EML6: variants seen among roughly 807,000 people sequenced by gnomAD.
The protein encoded by EML6 is EMAP like 6, also known as echinoderm microtubule-associated protein-like 6.
In EML6, 154 loss-of-function variants were observed where a neutral mutation model predicts 240.1. That is an observed-to-expected ratio of 0.64 (90% CI 0.56 to 0.73). The LOEUF (loss-of-function observed/expected upper bound fraction) is 0.73, where lower values mean the gene tolerates loss of function less well. Ranked by LOEUF, EML6 falls within the 30% of genes least tolerant of loss-of-function variation. The pLI is 0.00. For synonymous variants in EML6, 1,148 were observed against 899.0 expected, an observed-to-expected ratio of 1.28 and a Z score of -4.95; for missense variants, 2,964 against 2,474.6, an observed-to-expected ratio of 1.20 and a Z score of -4.20.
At chr2:54,789,318 C>T (rs1360643870) in intron 2 of EML6, among the ~76,000 whole-genome samples, 1 of 151,672 alleles carries the variant, frequency 6.6e-6, no homozygotes, top group Admixed American at 6.6e-5. Flanking sequence ...TCGAGACCAT[C>T]CTGGCTAACA....
intron 28 of EML6, among the ~76,000 whole-genome samples, chr2:54,941,720 T>G (rs956495674): frequency 6.6e-6 from 1 of 152,210 alleles, no homozygotes; most frequent in Non-Finnish European, 1.5e-5. Flanking sequence ...GTGTGTTGTT[T>G]AAGCTGAGCC....
At chr2:54,763,614 G>A (rs1327094754) in intron 2 of EML6, among the ~76,000 whole-genome samples, 2 of 152,278 alleles carry the variant, frequency 1.3e-5, no homozygotes, top group African/African-American at 4.8e-5. Flanking sequence ...GGGTAGGTGG[G>A]TAGAGATATT....
chr2:54,795,389 C>A (rs1025766717), intron 2 of EML6, among the ~76,000 whole-genome samples: 2 of 152,142 alleles, frequency 1.3e-5, no homozygotes, highest in African/African-American at 4.8e-5. Flanking sequence ...CAAGGGAAAT[C>A]TGCCCCCATT....
intron 2 of EML6, among the ~76,000 whole-genome samples, chr2:54,739,120 A>G (rs1683524333): frequency 1.3e-5 from 2 of 152,218 alleles, no homozygotes; most frequent in African/African-American, 2.4e-5. Context: ...AAATATATAC[A>G]TATATTCTAT....
chr2:54,834,986 C>G (rs1243235452), intron 7 of EML6, among the ~76,000 whole-genome samples: 1 of 152,204 alleles, frequency 6.6e-6, no homozygotes, highest in East Asian at 1.9e-4. Flanking sequence ...AGTCAAAGTC[C>G]TTATGGCAGC....
chr2:54,917,346 CTTTTTTTTTTTGTTTTTT>C lies in EML6; in HGVS notation c.3675+430_3675+447del, dbSNP rs1395983530. Among the ~76,000 whole-genome samples the C allele has an allele frequency of 2.9e-3, 396 of 137,768 alleles. 3 individuals carry two copies. Among genetic ancestry groups the C allele is most frequent in the South Asian group, 0.014 (59 of 4,282 alleles). 90.4% of individuals were successfully genotyped at this position (137,768 alleles called of 152,430 possible). On this transcript the variant is annotated intron_variant, in intron 26 of 41. Coordinates refer to ENST00000356458, the MANE Select transcript of EML6 (RefSeq NM_001039753.4). ...ATCTTGAGCTGAATTCTCTTCTTCC[CTTTTTTTTTTTGTTTTTT>C]TTTTTTTTTTTGTTTTTTGAGACGG...
At chr2:54,818,423 C>T (rs1668175688) in intron 4 of EML6, among the ~76,000 whole-genome samples, 2 of 152,194 alleles carry the variant, frequency 1.3e-5, no homozygotes, top group South Asian at 4.1e-4. Context: ...CAGCCAATGG[C>T]AGGCTGCCAT....
intron 2 of EML6, among the ~76,000 whole-genome samples, chr2:54,811,140 A>G (rs1558569327): frequency 6.6e-6 from 1 of 151,698 alleles, no homozygotes; most frequent in Admixed American, 6.6e-5. Flanking sequence ...CCTGGTCCCT[A>G]ACTGACCACC....
At chr2:54,756,385 G>A (rs769237076) in intron 2 of EML6, among the ~76,000 whole-genome samples, 21 of 152,288 alleles carry the variant, frequency 1.4e-4, no homozygotes, top group Non-Finnish European at 2.1e-4. Flanking sequence ...CCAACACAGA[G>A]TGGATGTCTA....
At chr2:54,754,079 G>A (rs1340718703) in intron 2 of EML6, among the ~76,000 whole-genome samples, 2 of 151,412 alleles carry the variant, frequency 1.3e-5, no homozygotes, top group Admixed American at 1.3e-4. Context: ...AGGTTGCAGT[G>A]AGTCGAGATC....
rs1231431345 is a variant in EML6, at chr2:54,899,735, A to T, written c.3077A>T (p.Glu1026Val). 6.4e-7 allele frequency: 1 copy of T among 1,551,928 alleles called. No individual in the cohort carries two copies. Among genetic ancestry groups the T allele is most frequent in the South Asian group, 1.2e-5 (1 of 84,072 alleles). Reference protein sequence around the residue: ...VSDDKTLRIWELSAQHRMLAV... With the variant: ...VSDDKTLRIWVLSAQHRMLAV... ...GATGATAAAACACTTCGCATCTGGG[A>T]ACTATCTGCCCAGCACCGTATGCTG... The change falls in exon 22 of 42, where the codon GAA (glutamate) becomes GTA (valine). Residue 1026 changes from glutamate to valine, a missense_variant. Physicochemically the swap from Glu to Val is moderately radical, Grantham distance 121. Transcript: ENST00000356458.
At chr2:54,903,588 G>T in intron 24 of EML6, 86 bp downstream of exon 24, 1 of 1,093,332 alleles carries the variant, frequency 9.1e-7, no homozygotes, top group Non-Finnish European at 1.2e-6. Context: ...AATGGCAGTT[G>T]AGTGTTAGAA....
chr2:54,802,296 C>T lies in EML6; in HGVS notation c.198-10936C>T, dbSNP rs567947682. ...AAAAATCACAATAAGTAACTTACCTCGTACTTCTAAGAGTTTGAATTTTTT... is the reference window on the plus strand; with the variant it reads ...AAAAATCACAATAAGTAACTTACCTTGTACTTCTAAGAGTTTGAATTTTTT... On this transcript the variant is annotated intron_variant, in intron 2 of 41. Transcript: ENST00000356458. 1.2e-4 allele frequency among the ~76,000 whole-genome samples: 18 copies of T among 152,230 alleles called. No individual in the cohort carries two copies. The South Asian group carries it at 1.7e-3, about 14-fold the overall frequency.
chr2:54,895,945 A>G (rs1175498741), intron 21 of EML6, among the ~76,000 whole-genome samples: 1 of 152,250 alleles, frequency 6.6e-6, no homozygotes, highest in Non-Finnish European at 1.5e-5. Flanking sequence ...GTCATCACAT[A>G]TGTGGAATCA....
rs1180936002 is a variant in EML6, at chr2:54,967,016, A to G, written c.5510A>G (p.Tyr1837Cys). The change falls in exon 39 of 42, where the codon TAT becomes TGT. Residue 1837 changes from tyrosine (Y) to cysteine (C), a missense_variant. Coordinates refer to ENST00000356458, the MANE Select transcript of EML6 (RefSeq NM_001039753.4). Reference sequence around the variant, plus strand: ...TACCTACAGGTGTCAACAGGTGCCTATAAGCGCCAGGTGCATGAGGTCCCC... The same window carrying G: ...TACCTACAGGTGTCAACAGGTGCCTGTAAGCGCCAGGTGCATGAGGTCCCC... ...GKYIQVSTGA[Y>C]KRQVHEVPLG... is the part of the protein sequence containing the mutation. The G allele has an allele frequency of 1.9e-6, 3 of 1,551,054 alleles. No individual in the cohort carries two copies. The highest frequency in any genetic ancestry group is 1.4e-5 in the African/African-American group (1 of 73,054).
Position 54,853,660 on chromosome 2 carries a change from A to G in EML6, c.1462A>G (p.Ser488Gly). ...ATTTTCAGCTGGGAAGCCTTTAACA[A>G]GTAAAGAAGAAATTAAAGGGATTCC... Reference protein sequence around the residue: ...YRMPSGKPLTSKEEIKGIPWA... With the variant: ...YRMPSGKPLTGKEEIKGIPWA... Residue 488 changes from serine (S) to glycine (G), a missense_variant, in exon 11 of 42, where the codon AGT (serine) becomes GGT (glycine). Transcript: ENST00000356458. 6.5e-7 allele frequency: 1 copy of G among 1,544,230 alleles called. No homozygotes were observed.
chr2:54,891,065 A>G lies in EML6; in HGVS notation c.2450A>G (p.Asp817Gly). The G allele has an allele frequency of 1.4e-6, 2 of 1,471,272 alleles. No homozygotes were observed. Among genetic ancestry groups the G allele is most frequent in the South Asian group, 1.3e-5 (1 of 76,756 alleles). 91.1% of individuals were successfully genotyped at this position (1,471,272 alleles called of 1,614,324 possible). A position where few individuals can be genotyped will look rare whatever the true frequency, so the allele number is the denominator to read the frequency against. Reference sequence around the variant, plus strand: ...TTTGTCTCTTACAGAGGACATAAAGATAAGATATTTGTGGTAAAGTGTAAC... The same window carrying G: ...TTTGTCTCTTACAGAGGACATAAAGGTAAGATATTTGTGGTAAAGTGTAAC... ...EKIATTRGHKDKIFVVKCNPH... is the reference protein window; with the variant it reads ...EKIATTRGHKGKIFVVKCNPH... The change falls in exon 18 of 42, where the codon GAT becomes GGT. Residue 817 changes from aspartate to glycine, a missense_variant. By Grantham distance (94) the Asp-to-Gly change is moderately conservative. Transcript: ENST00000356458.
intron 24 of EML6, among the ~76,000 whole-genome samples, chr2:54,906,983 G>T (rs1017416085): frequency 6.6e-6 from 1 of 152,144 alleles, no homozygotes; most frequent in Admixed American, 6.5e-5. Flanking sequence ...GGTGGGGGAT[G>T]GCACAGCCGC....
chr2:54,964,281 A>G, intron 37 of EML6, 123 bp downstream of exon 37: 1 of 969,182 alleles, frequency 1.0e-6, no homozygotes, highest in East Asian at 2.6e-5. Flanking sequence ...TCAACAAGCC[A>G]CCTATGAAAG....
Sources: gnomAD v4.1 joint callset for allele counts (sites outside exome capture counted in the v4.1 genomes callset) on GRCh38, gnomAD v4.1.1 for gene constraint, MANE v1.5 for transcripts, NCBI Gene and HGNC (gene_info 2026-07-23, HGNC 2026-07-21) for gene names.